Variants in ADGRV1 observed in about 807,000 individuals in gnomAD.
The protein encoded by ADGRV1 is adhesion G protein-coupled receptor V1.
A neutral mutation model predicts 596.2 loss-of-function variants in ADGRV1; 359 were observed. The observed-to-expected ratio is 0.60, with a 90% CI of 0.55 to 0.66. The LOEUF is 0.66. ADGRV1 is among the 30% of genes least tolerant of loss of function. ADGRV1 has a pLI of 0.00. For synonymous variants in ADGRV1, 2,681 were observed against 2,679.2 expected (o/e 1.00, Z -0.02); for missense variants, 7,274 against 7,575.6 (o/e 0.96, Z 1.48).
chr5:90,769,219 G>C (rs1757441887), intron 59 of ADGRV1, among the ~76,000 whole-genome samples: 1 of 152,042 alleles, frequency 6.6e-6, no homozygotes, highest in Non-Finnish European at 1.5e-5. Context: ...AGAGAAGTTT[G>C]TTCTGAAAAG....
chr5:90,844,998 C>T (rs1581296920), intron 78 of ADGRV1, among the ~76,000 whole-genome samples: 2 of 152,202 alleles, frequency 1.3e-5, no homozygotes, highest in Middle Eastern at 3.4e-3. Flanking sequence ...ATTTTGTAAT[C>T]ATACTAACAA....
intron 76 of ADGRV1, 38 bp downstream of exon 76, chr5:90,823,634 T>A: frequency 6.6e-7 from 1 of 1,523,148 alleles, no homozygotes; most frequent in Non-Finnish European, 9.1e-7. Flanking sequence ...CAACTTCTAA[T>A]TATATTTCTT....
chr5:91,105,069 A>G (rs1347609524), intron 87 of ADGRV1, among the ~76,000 whole-genome samples: 1 of 151,922 alleles, frequency 6.6e-6, no homozygotes, highest in East Asian at 1.9e-4. Flanking sequence ...GGGTTTCGCC[A>G]TGTTTCCCAG....
At chr5:90,929,232 T>G (rs1482951350) in intron 83 of ADGRV1, 5 of 158,434 alleles carry the variant, frequency 3.2e-5, no homozygotes, top group Non-Finnish European at 5.5e-5. Flanking sequence ...TCCCCCAGCC[T>G]CGCTGCCGCC....
intron 85 of ADGRV1, among the ~76,000 whole-genome samples, chr5:91,046,937 C>T (rs183452401): frequency 9.2e-5 from 14 of 152,120 alleles, no homozygotes; most frequent in Admixed American, 2.0e-4. Context: ...ACTAATGATC[C>T]GGGAAATGCA....
At chr5:91,080,871 AC>A (rs1789295962) in intron 86 of ADGRV1, among the ~76,000 whole-genome samples, 1 of 152,130 alleles carries the variant, frequency 6.6e-6, no homozygotes, top group African/African-American at 2.4e-5. Flanking sequence ...TAGTATAAGA[AC>A]CCTTTCAATA....
At chr5:91,060,398 A>ATATATT (rs796332430) in intron 85 of ADGRV1, among the ~76,000 whole-genome samples, 2 of 60,478 alleles carry the variant, frequency 3.3e-5, no homozygotes, top group South Asian at 5.8e-4. Context: ...ATATATATAT[A>ATATATT]TTTTTTTTTT....
intron 26 of ADGRV1, among the ~76,000 whole-genome samples, chr5:90,680,967 C>T (rs80123928): frequency 0.018 from 2,798 of 152,240 alleles, 99 homozygotes; most frequent in African/African-American, 0.065. Context: ...GTCATTTTGG[C>T]TCAAGTTCTT....
At position 91,159,922 on chromosome 5, in the gene ADGRV1, G is replaced by C. The variant is rs369271088; in HGVS notation, c.18803-3860G>C. On this transcript the variant is annotated intron_variant, in intron 89 of 89. Transcript: ENST00000405460. ...GTGCCTTGAGTACTGGCATTTCTGT[G>C]TTGATCCCAAGTTGACAAGATTCCT... 3.9e-5 allele frequency among the ~76,000 whole-genome samples: 6 copies of C among 152,292 alleles called. No homozygotes were observed. The East Asian group carries it at 9.6e-4, about 24-fold the overall frequency.
At chr5:90,589,163 G>A (rs1322291926) in intron 1 of ADGRV1, among the ~76,000 whole-genome samples, 2 of 152,148 alleles carry the variant, frequency 1.3e-5, no homozygotes, top group African/African-American at 4.8e-5. Context: ...ACTTCAAAGT[G>A]TTCTGCACGC....
intron 83 of ADGRV1, among the ~76,000 whole-genome samples, chr5:90,956,594 A>C (rs1777501565): frequency 6.6e-6 from 1 of 152,200 alleles, no homozygotes. Flanking sequence ...CAACCTTTGT[A>C]ATATTCAAAT....
At chr5:90,803,718 G>T (rs1761625452) in intron 71 of ADGRV1, among the ~76,000 whole-genome samples, 1 of 152,028 alleles carries the variant, frequency 6.6e-6, no homozygotes, top group Non-Finnish European at 1.5e-5. Flanking sequence ...AAATAACTGA[G>T]AGTAAAAGGT....
intron 83 of ADGRV1, among the ~76,000 whole-genome samples, chr5:90,884,898 C>A (rs1482782597): frequency 1.3e-5 from 2 of 152,110 alleles, no homozygotes; most frequent in African/African-American, 4.8e-5. Context: ...CCTTTTATTT[C>A]TTTGGCAATC....
At chr5:90,612,832 T>G (rs964920622) in intron 1 of ADGRV1, among the ~76,000 whole-genome samples, 10 of 152,192 alleles carry the variant, frequency 6.6e-5, no homozygotes, top group Middle Eastern at 3.4e-3. Context: ...TGGCCTTTTG[T>G]ATGTTCACTC....
chr5:90,585,485 C>T (rs1055557769), intron 1 of ADGRV1, among the ~76,000 whole-genome samples: 6 of 152,218 alleles, frequency 3.9e-5, no homozygotes, highest in Admixed American at 3.3e-4. Flanking sequence ...GGATGGAGGG[C>T]GGAGTCTGGA....
chr5:90,703,180 G>A (rs549809270), intron 34 of ADGRV1, among the ~76,000 whole-genome samples: 112 of 151,966 alleles, frequency 7.4e-4, no homozygotes, highest in African/African-American at 2.5e-3. Flanking sequence ...AATCATTGAT[G>A]GTATATGTAA....
chr5:91,143,707 C>T (rs1297647376), intron 87 of ADGRV1, among the ~76,000 whole-genome samples: 3 of 152,164 alleles, frequency 2.0e-5, no homozygotes, highest in Non-Finnish European at 4.4e-5. Context: ...GGACTGACAG[C>T]CTGGCCCCCA....
chr5:90,879,395 T>G (rs1316436038), intron 83 of ADGRV1, among the ~76,000 whole-genome samples: 1 of 152,124 alleles, frequency 6.6e-6, no homozygotes, highest in Non-Finnish European at 1.5e-5. Flanking sequence ...GAACAAGCAG[T>G]ATTCATTCAA....
chr5:90,756,428 C>T, intron 55 of ADGRV1, 26 bp from the exon 56 acceptor site: 1 of 1,429,470 alleles, frequency 7.0e-7, no homozygotes. Context: ...AAAAATGAAA[C>T]ACCATCTTTT....
Sources: gnomAD v4.1 joint callset for allele counts (sites outside exome capture counted in the v4.1 genomes callset) on GRCh38, gnomAD v4.1.1 for gene constraint, MANE v1.5 for transcripts, NCBI Gene and HGNC (gene_info 2026-07-23, HGNC 2026-07-21) for gene names.